Variants in METTL15 observed in about 807,000 individuals in gnomAD.
METTL15 encodes methyltransferase 15, mitochondrial 12S rRNA N4-cytidine.
A neutral mutation model predicts 38.3 loss-of-function variants in METTL15; 34 were observed. The ratio of observed to expected loss-of-function variants is 0.89; its 90% confidence interval spans 0.68 to 1.18. The LOEUF (loss-of-function observed/expected upper bound fraction) is 1.18, where lower values mean the gene tolerates loss of function less well. Among genes scored for constraint, METTL15 ranks in the 50% most tolerant of loss-of-function variants. METTL15 has a pLI of 0.00. For synonymous variants in METTL15, 162 were observed against 170.9 expected (o/e 0.95, Z 0.41); for missense variants, 438 against 498.4 (o/e 0.88, Z 1.15).
intron 3 of METTL15, among the ~76,000 whole-genome samples, chr11:28,345,631 CA>C (rs1849989674): frequency 6.6e-6 from 1 of 152,184 alleles, no homozygotes; most frequent in South Asian, 2.1e-4. Context: ...TGCAATGCAG[CA>C]ACCCTTACGT....
intron 4 of METTL15, 130 bp downstream of exon 4, chr11:28,211,328 C>T: frequency 1.3e-6 from 1 of 747,878 alleles, no homozygotes; most frequent in South Asian, 3.2e-5. Flanking sequence ...TTCTTTTTTC[C>T]CCAAAAAGAA....
chr11:28,352,762 A>G (rs529766634), intron 4 of METTL15, among the ~76,000 whole-genome samples: 1 of 152,286 alleles, frequency 6.6e-6, no homozygotes, highest in African/African-American at 2.4e-5. Context: ...GATGAGGTGA[A>G]GCTCATTGAG....
intron 2 of METTL15, among the ~76,000 whole-genome samples, chr11:28,111,875 G>A (rs895860168): frequency 2.0e-5 from 3 of 152,110 alleles, no homozygotes; most frequent in Non-Finnish European, 4.4e-5. Context: ...ACTTTTGTAC[G>A]CTTTCCAGAA....
intron 5 of METTL15, among the ~76,000 whole-genome samples, chr11:28,372,067 G>T (rs887620746): frequency 6.6e-6 from 1 of 151,902 alleles, no homozygotes; most frequent in South Asian, 2.1e-4. Flanking sequence ...TCATATTCTG[G>T]ATCTCAGTGG....
chr11:28,489,981 G>T (rs914194138), intron 6 of METTL15, among the ~76,000 whole-genome samples: 1 of 152,028 alleles, frequency 6.6e-6, no homozygotes, highest in Non-Finnish European at 1.5e-5. Flanking sequence ...ATCACTGCAT[G>T]GTCTCCCTTC....
Position 28,454,462 on chromosome 11 carries a change from A to T in METTL15, c.*424+30098A>T, listed in dbSNP as rs1851150931. ...CTGAGGCCTCTTGGGAGACATATTT[A>T]GGGTTTTGTGTATGAGTCACATAGA... On this transcript the variant is annotated intron_variant and NMD_transcript_variant, in intron 6 of 7. Transcript: ENST00000532947. Among the ~76,000 whole-genome samples, 4 of 152,222 alleles carry T rather than the reference A, an allele frequency of 2.6e-5. 1 individual carries two copies. In the South Asian group the frequency reaches 8.3e-4, roughly 32 times the overall value.
At chr11:28,415,395 A>T (rs765655509) in intron 5 of METTL15, among the ~76,000 whole-genome samples, 3 of 152,260 alleles carry the variant, frequency 2.0e-5, no homozygotes, top group Non-Finnish European at 4.4e-5. Context: ...ATAGCTATGA[A>T]TCCAGCTATT....
chr11:28,358,235 A>G (rs1340586966), intron 4 of METTL15, among the ~76,000 whole-genome samples: 1 of 152,158 alleles, frequency 6.6e-6, no homozygotes, highest in African/African-American at 2.4e-5. Flanking sequence ...GGCCCTGGAG[A>G]GACTGAGAAC....
intron 5 of METTL15, among the ~76,000 whole-genome samples, chr11:28,295,419 G>C (rs1233572823): frequency 3.9e-5 from 6 of 151,950 alleles, no homozygotes; most frequent in Admixed American, 3.9e-4. Flanking sequence ...TAGAAATAGG[G>C]CTACCTTACA....
intron 3 of METTL15, among the ~76,000 whole-genome samples, chr11:28,117,257 GTGTATATATATATA>G (rs1227456830): frequency 1.7e-5 from 1 of 57,406 alleles, no homozygotes; most frequent in South Asian, 9.2e-4. Flanking sequence ...GTGTGTGTGT[GTGTATATATATATA>G]TATATATATA....
At chr11:28,517,596 T>A (rs750196551) in intron 6 of METTL15, among the ~76,000 whole-genome samples, 5 of 152,220 alleles carry the variant, frequency 3.3e-5, no homozygotes, top group Non-Finnish European at 7.3e-5. Flanking sequence ...TTTTGAGCTC[T>A]CAGAGAAGGG....
intron 6 of METTL15, among the ~76,000 whole-genome samples, chr11:28,445,865 C>T (rs545954589): frequency 3.9e-5 from 6 of 152,046 alleles, no homozygotes; most frequent in Admixed American, 1.3e-4. Context: ...GTTGCCCAGG[C>T]GGTCTCAAAC....
At chr11:28,215,386 G>A (rs1366148046) in intron 4 of METTL15, among the ~76,000 whole-genome samples, 1 of 151,966 alleles carries the variant, frequency 6.6e-6, no homozygotes, top group Non-Finnish European at 1.5e-5. Context: ...GAGGAAAGGG[G>A]TTCTGGTTTC....
At chr11:28,453,680 A>G (rs963205840) in intron 6 of METTL15, among the ~76,000 whole-genome samples, 1 of 152,222 alleles carries the variant, frequency 6.6e-6, no homozygotes, top group Admixed American at 6.5e-5. Context: ...AAATAACCAC[A>G]AGATGGCTTT....
chr11:28,355,091 CATG>C, intron 4 of METTL15, among the ~76,000 whole-genome samples: 1 of 152,206 alleles, frequency 6.6e-6, no homozygotes, highest in Admixed American at 6.5e-5. Flanking sequence ...AAAGTGTCCA[CATG>C]TTCCTGGGTC....
At chr11:28,160,425 A>G (rs1850417196) in intron 3 of METTL15, among the ~76,000 whole-genome samples, 1 of 152,092 alleles carries the variant, frequency 6.6e-6, no homozygotes, top group African/African-American at 2.4e-5. Flanking sequence ...ATGTAAAACA[A>G]TAGGATTCTA....
chr11:28,428,831 G>A (rs1590370980), intron 6 of METTL15, among the ~76,000 whole-genome samples: 1 of 152,054 alleles, frequency 6.6e-6, no homozygotes, highest in African/African-American at 2.4e-5. Context: ...CAGGACTCTG[G>A]TACTTCTGGA....
At chr11:28,122,073 T>TA in intron 3 of METTL15, 2 of 946,196 alleles carry the variant, frequency 2.1e-6, no homozygotes, top group Non-Finnish European at 2.7e-6. Flanking sequence ...TATAGTTTAT[T>TA]AAAACTGTAA....
chr11:28,347,196 C>G (rs1424338872), intron 3 of METTL15, among the ~76,000 whole-genome samples: 1 of 152,210 alleles, frequency 6.6e-6, no homozygotes. Context: ...AGGGTACCTG[C>G]TGCTGCACTT....
Sources: gnomAD v4.1 joint callset for allele counts (sites outside exome capture counted in the v4.1 genomes callset) on GRCh38, gnomAD v4.1.1 for gene constraint, MANE v1.5 for transcripts, NCBI Gene and HGNC (gene_info 2026-07-23, HGNC 2026-07-21) for gene names.